Variants in ADAP2 observed in about 807,000 individuals in gnomAD.
The protein encoded by ADAP2 is arf-GAP with dual PH domain-containing protein 2.
Under a neutral mutation model 54.9 loss-of-function variants are expected in ADAP2, and 42 were observed. The ratio of observed to expected loss-of-function variants is 0.77; its 90% confidence interval spans 0.60 to 0.99. The LOEUF is 0.99. Ranked by LOEUF, ADAP2 falls within the 50% of genes least tolerant of loss-of-function variation. The pLI is 0.00. For missense variants in ADAP2, 429 were observed against 480.4 expected (o/e 0.89, Z 1.00); for synonymous variants, 177 against 180.1 (o/e 0.98, Z 0.14).
rs1911700054 is a variant in ADAP2, at chr17:30,934,169, A to G, written c.398-16A>G. The G allele has an allele frequency of 6.2e-7, 1 of 1,606,586 alleles. No homozygotes were observed. Among genetic ancestry groups the G allele is most frequent in the Admixed American group, 1.7e-5 (1 of 59,928 alleles). The stretch of plus-strand genomic sequence containing the variant: ...AGGTCACGTGTGTTCACGCTTTGTC[A>G]TCCTTGCTGCTTAAGGTAACCGAGA... On this transcript the variant is annotated splice_polypyrimidine_tract_variant and intron_variant, in intron 4 of 10. Transcript: ENST00000330889.
chr17:30,957,372 C>A (rs1905151731), intron 10 of ADAP2, among the ~76,000 whole-genome samples: 1 of 151,812 alleles, frequency 6.6e-6, no homozygotes, highest in African/African-American at 2.4e-5. Flanking sequence ...GACGCCCTGG[C>A]TCTCACTCTT....
chr17:30,955,842 TTG>T (rs1905029976), intron 9 of ADAP2, among the ~76,000 whole-genome samples: 1 of 152,000 alleles, frequency 6.6e-6, no homozygotes, highest in Non-Finnish European at 1.5e-5. Context: ...TGAGCCATGA[TTG>T]TGCCACTGCA....
intron 2 of ADAP2, among the ~76,000 whole-genome samples, chr17:30,923,296 G>A (rs1268377106): frequency 3.5e-5 from 5 of 142,806 alleles, no homozygotes; most frequent in African/African-American, 2.7e-5. Flanking sequence ...ACGGAGTCTC[G>A]CTGTGTTGTC....
In ADAP2 at chr17:30,930,842, C is replaced by T. The variant is rs554251325; in HGVS notation, c.318-1047C>T. 1.1e-4 allele frequency among the ~76,000 whole-genome samples: 16 copies of T among 152,298 alleles called. No homozygotes were observed. The South Asian group carries it at 2.3e-3, about 22-fold the overall frequency. Reference sequence around the variant, plus strand: ...CTGCATGGTTTTTCTGCAGGACTCACGGATGACAATCTCTGATTGAGATCA... The same window carrying T: ...CTGCATGGTTTTTCTGCAGGACTCATGGATGACAATCTCTGATTGAGATCA... On this transcript the variant is annotated intron_variant, in intron 3 of 10. Transcript: ENST00000330889.
chr17:30,928,190 C>CAAA (rs1168453604), intron 3 of ADAP2, among the ~76,000 whole-genome samples: 7 of 33,194 alleles, frequency 2.1e-4, no homozygotes, highest in African/African-American at 3.7e-4. Flanking sequence ...GAGACTGTCT[C>CAAA]AAAAAAAAAA....
chr17:30,927,625 A>AT (rs1188746547), intron 3 of ADAP2, among the ~76,000 whole-genome samples: 2 of 151,702 alleles, frequency 1.3e-5, no homozygotes, highest in African/African-American at 4.9e-5. Context: ...AAAAAAAAAA[A>AT]AAAATAAAAG....
rs148696961 is a variant in ADAP2, at chr17:30,923,948, C to T, written c.225+878C>T. 3.9e-3 allele frequency among the ~76,000 whole-genome samples: 595 copies of T among 151,636 alleles called. 1 individual carries two copies. Among genetic ancestry groups the T allele is most frequent in the South Asian group, 6.9e-3 (33 of 4,802 alleles). ...CGAACTCCTGACCTTGGGTAATCCA[C>T]CCTCCTCGGCCTCCCAAAGTGCTGG... is the stretch of plus-strand genomic sequence containing the variant. On this transcript the variant is annotated intron_variant, in intron 2 of 10. Transcript: ENST00000330889.
At chr17:30,928,203 A>AG (rs1223823520) in intron 3 of ADAP2, among the ~76,000 whole-genome samples, 3 of 150,002 alleles carry the variant, frequency 2.0e-5, no homozygotes, top group African/African-American at 7.4e-5. Context: ...AAAAAAAAAA[A>AG]AAAAAAAAAA....
intron 4 of ADAP2, among the ~76,000 whole-genome samples, chr17:30,933,503 A>G (rs1911649097): frequency 6.6e-6 from 1 of 150,968 alleles, no homozygotes; most frequent in Non-Finnish European, 1.5e-5. Flanking sequence ...ATTATTCTTC[A>G]AACCAGCAGA....
chr17:30,926,977 C>T, intron 3 of ADAP2, 59 bp downstream of exon 3: 1 of 1,322,138 alleles, frequency 7.6e-7, no homozygotes, highest in Non-Finnish European at 1.1e-6. Flanking sequence ...CACCTCCTCC[C>T]CCTCTCCATC....
intron 4 of ADAP2, 66 bp from the exon 5 acceptor site, chr17:30,934,119 G>A: frequency 8.0e-7 from 1 of 1,256,470 alleles, no homozygotes; most frequent in Non-Finnish European, 1.2e-6. Flanking sequence ...GAACCTCAGA[G>A]GTTCCTGAGC....
At position 30,957,908 on chromosome 17, in the gene ADAP2, A is replaced by G; in HGVS notation, c.*39A>G. The G allele has an allele frequency of 6.2e-7, 1 of 1,604,838 alleles. No individual in the cohort carries two copies. Among genetic ancestry groups the G allele is most frequent in the South Asian group, 1.1e-5 (1 of 89,806 alleles). ...GAACTGGCTGCCACTGAACACCTGG[A>G]ACTCCTTGTGGGAAGAAGTTTGCAC... On this transcript the variant is annotated 3_prime_UTR_variant, in exon 11 of 11. Coordinates refer to ENST00000330889, the MANE Select transcript of ADAP2 (RefSeq NM_018404.3).
rs142369600 is a variant in ADAP2, at chr17:30,951,719, C to G, written c.742-1569C>G. Among the ~76,000 whole-genome samples, 1,471 of 150,244 alleles carry G rather than the reference C, an allele frequency of 9.8e-3. 25 individuals carry two copies. Among genetic ancestry groups the G allele is most frequent in the African/African-American group, 0.032 (1,296 of 40,890 alleles). ...CGCCCAGGCCAGAGTGCAGTGGCGCCATCTTGGCTCACTGCAAGCTCCGCC... is the reference window on the plus strand; with the variant it reads ...CGCCCAGGCCAGAGTGCAGTGGCGCGATCTTGGCTCACTGCAAGCTCCGCC... On this transcript the variant is annotated intron_variant, in intron 7 of 10. Transcript: ENST00000330889.
rs1197064900 is a variant in ADAP2, at chr17:30,953,475, C to G, written c.804+125C>G. 5.4e-6 allele frequency: 5 copies of G among 926,622 alleles called. No individual in the cohort carries two copies. In the African/African-American group the frequency reaches 6.6e-5, roughly 12 times the overall value. 57.4% of individuals were successfully genotyped at this position (926,622 alleles called of 1,614,324 possible). The stretch of plus-strand genomic sequence containing the variant: ...TAGGCCAAGCTTGTCCAACCCACAG[C>G]CCATGGGCCACATGCAACCCAGGAC... On this transcript the variant is annotated intron_variant, in intron 8 of 10. Transcript: ENST00000330889.
intron 5 of ADAP2, among the ~76,000 whole-genome samples, chr17:30,937,738 T>C (rs1267433218): frequency 6.6e-6 from 1 of 152,080 alleles, no homozygotes; most frequent in Non-Finnish European, 1.5e-5. Context: ...GGATGTGGGG[T>C]GTGAGAGTAA....
chr17:30,929,429 AG>A (rs1170381491), intron 3 of ADAP2, among the ~76,000 whole-genome samples: 1 of 152,212 alleles, frequency 6.6e-6, no homozygotes, highest in Non-Finnish European at 1.5e-5. Context: ...CCAAGTGCTC[AG>A]TGAACACGTG....
intron 2 of ADAP2, among the ~76,000 whole-genome samples, chr17:30,925,304 C>A (rs1050372970): frequency 2.0e-5 from 3 of 151,572 alleles, no homozygotes; most frequent in African/African-American, 7.3e-5. Context: ...ATTCTCCTGC[C>A]TCAGTCTCCT....
intron 2 of ADAP2, among the ~76,000 whole-genome samples, chr17:30,924,122 C>A (rs927834269): frequency 6.6e-6 from 1 of 152,110 alleles, no homozygotes; most frequent in Non-Finnish European, 1.5e-5. Flanking sequence ...CCTATAATCC[C>A]AGCACTTTGG....
In ADAP2 at chr17:30,922,993, G is replaced by A. The variant is rs1039075985; in HGVS notation, c.148G>A (p.Gly50Ser). 1.9e-6 allele frequency: 3 copies of A among 1,614,088 alleles called. No individual in the cohort carries two copies. In the South Asian group the frequency reaches 3.3e-5, roughly 18 times the overall value. Residue 50 changes from glycine (G) to serine (S), a missense_variant, in exon 2 of 11, where the codon GGC becomes AGC. Physicochemically the swap from Gly to Ser is moderately conservative, Grantham distance 56. Transcript: ENST00000330889. ...GATCTTCATCTGTCTCAACTGCTGCGGCGTCCACCGTAACTTCCCTGACAT... is the reference window on the plus strand; with the variant it reads ...GATCTTCATCTGTCTCAACTGCTGCAGCGTCCACCGTAACTTCCCTGACAT... ...LGIFICLNCC[G>S]VHRNFPDISR...
Sources: allele counts gnomAD v4.1 joint callset (sites outside exome capture counted in the v4.1 genomes callset), GRCh38; gene constraint gnomAD v4.1.1; transcripts MANE v1.5; gene names NCBI Gene and HGNC (gene_info 2026-07-23, HGNC 2026-07-21).